CAPS2: variants seen among roughly 807,000 people sequenced by gnomAD.
CAPS2 encodes the protein calcyphosin-2.
CAPS2 carries 98 observed loss-of-function variants against 86.5 expected under a neutral mutation model. The observed-to-expected ratio is 1.13, with a 90% CI of 0.96 to 1.34. The LOEUF (loss-of-function observed/expected upper bound fraction) is 1.34. CAPS2 is among the 40% of genes most tolerant of loss of function. CAPS2 has a pLI of 0.00. For synonymous variants in CAPS2, 210 were observed against 225.1 expected, an observed-to-expected ratio of 0.93 and a Z score of 0.60; for missense variants, 729 against 686.8, an observed-to-expected ratio of 1.06 and a Z score of -0.69.
At chr12:75,377,840 G>GATAT (rs71078726) in intron 1 of CAPS2, among the ~76,000 whole-genome samples, 23,405 of 146,672 alleles carry the variant, frequency 0.16, 2,096 homozygotes, top group Admixed American at 0.22. Flanking sequence ...AACCATCACA[G>GATAT]ATATATATAT....
chr12:75,285,144 T>C (rs951009093), intron 14 of CAPS2, 64 bp from the exon 15 acceptor site: 2 of 1,513,810 alleles, frequency 1.3e-6, no homozygotes, highest in Non-Finnish European at 1.8e-6. Flanking sequence ...AAAATCATCT[T>C]AGTTGTATTT....
intron 1 of CAPS2, among the ~76,000 whole-genome samples, chr12:75,380,219 C>T (rs936114468): frequency 3.3e-5 from 5 of 152,108 alleles, no homozygotes; most frequent in African/African-American, 4.8e-5. Flanking sequence ...TATATTGAAT[C>T]GGCAATTTCC....
At chr12:75,291,567 GTATATATATA>G (rs66622366) in intron 13 of CAPS2, among the ~76,000 whole-genome samples, 167 bp downstream of exon 13, 598 of 27,692 alleles carry the variant, frequency 0.022, 15 homozygotes, top group African/African-American at 0.055. Flanking sequence ...ATTTTTAAAA[GTATATATATA>G]TATATATATA....
chr12:75,298,583 G>C (rs2138511624), intron 11 of CAPS2, 104 bp downstream of exon 11: 1 of 818,074 alleles, frequency 1.2e-6, no homozygotes, highest in Non-Finnish European at 2.0e-6. Flanking sequence ...GGATGCAGGA[G>C]AGGAAATAAA....
intron 1 of CAPS2, among the ~76,000 whole-genome samples, chr12:75,372,395 G>T: frequency 6.6e-6 from 1 of 152,162 alleles, no homozygotes; most frequent in East Asian, 1.9e-4. Context: ...GGTAGGAGGA[G>T]CCCAGAGTAA....
chr12:75,355,544 T>G (rs1052399423), intron 1 of CAPS2, among the ~76,000 whole-genome samples: 2 of 152,144 alleles, frequency 1.3e-5, no homozygotes, highest in Non-Finnish European at 2.9e-5. Context: ...TCCACAATAG[T>G]CAAACCATTG....
chr12:75,324,695 C>T (rs1436533616), intron 2 of CAPS2, among the ~76,000 whole-genome samples: 1 of 151,870 alleles, frequency 6.6e-6, no homozygotes, highest in South Asian at 2.1e-4. Flanking sequence ...TTTTTAATTT[C>T]TATTTTTAAA....
chr12:75,297,521 T>C (rs551221184), intron 11 of CAPS2, among the ~76,000 whole-genome samples: 4 of 152,312 alleles, frequency 2.6e-5, no homozygotes, highest in African/African-American at 9.6e-5. Flanking sequence ...AATTCAATCC[T>C]ATCCTGCCCT....
chr12:75,278,381 C>A (rs1008460941), exon 17 of CAPS2: 1 of 983,650 alleles, frequency 1.0e-6, no homozygotes, highest in Admixed American at 6.2e-5. Flanking sequence ...CTTGCATATC[C>A]TTTAATATTT....
At chr12:75,289,210 A>C (rs1034375223) in intron 14 of CAPS2, among the ~76,000 whole-genome samples, 3 of 152,126 alleles carry the variant, frequency 2.0e-5, no homozygotes, top group Admixed American at 6.6e-5. Context: ...CTCAACCTTC[A>C]AAACTCAGCT....
rs575653521 is a variant in CAPS2 at position 75,378,860 on chromosome 12, T to C, written c.-395+11978A>G. Among the ~76,000 whole-genome samples, 3 of 152,330 alleles carry C rather than the reference T, an allele frequency of 2.0e-5. No individual in the cohort carries two copies. The East Asian group carries it at 5.8e-4, about 29-fold the overall frequency. ...ACCATCACATTACTATTTGACATCA[T>C]GTATATAGAGTCTTATATTTTTAGT... On this transcript the variant is annotated intron_variant, in intron 1 of 5. Coordinates refer to the CAPS2 transcript ENST00000551829.
At chr12:75,348,642 C>A (rs559525121) in intron 1 of CAPS2, among the ~76,000 whole-genome samples, 2 of 152,174 alleles carry the variant, frequency 1.3e-5, no homozygotes, top group Admixed American at 6.5e-5. Context: ...AAGCATCATA[C>A]TGCTTTGAAT....
intron 7 of CAPS2, among the ~76,000 whole-genome samples, chr12:75,308,502 C>T (rs2038772818): frequency 6.6e-6 from 1 of 152,084 alleles, no homozygotes; most frequent in Non-Finnish European, 1.5e-5. Context: ...TTGCGTCATC[C>T]TTTCCTTGCT....
Position 75,306,060 on chromosome 12 carries a change from T to C in CAPS2, c.660-1184A>G, listed in dbSNP as rs562998449. The stretch of plus-strand genomic sequence containing the variant: ...CCGCGGCGCCAGAGACAGCGCCGTC[T>C]AGAACGTGCTGCGCGTCCTGGGGCT... On this transcript the variant is annotated intron_variant, in intron 7 of 16. Transcript: ENST00000393284. 209 of 1,473,914 alleles carry C rather than the reference T, an allele frequency of 1.4e-4. 3 individuals carry two copies. The African/African-American group carries it at 2.8e-3, about 20-fold the overall frequency. The allele number at this position is 1,473,914 out of a possible 1,614,324, so 91.3% of individuals were successfully genotyped here.
Position 75,305,901 on chromosome 12 carries a change from C to T in CAPS2, c.660-1025G>A, listed in dbSNP as rs188161509. 2.2e-3 allele frequency: 1,922 copies of T among 864,788 alleles called. 23 individuals carry two copies. In the African/African-American group the frequency reaches 0.026, roughly 12 times the overall value. 53.6% of individuals were successfully genotyped at this position (864,788 alleles called of 1,614,324 possible). On this transcript the variant is annotated intron_variant, in intron 7 of 16. Transcript: ENST00000393284. The stretch of plus-strand genomic sequence containing the variant: ...TGACCAGGCTGCACCTGAGGCTGTC[C>T]AACCTCCACACCATGAAGTCTGCGC...
intron 11 of CAPS2, among the ~76,000 whole-genome samples, chr12:75,297,873 C>T (rs992205637): frequency 6.6e-6 from 1 of 152,114 alleles, no homozygotes; most frequent in Non-Finnish European, 1.5e-5. Flanking sequence ...CTTGCTAACT[C>T]CTAGTCAAGG....
At position 75,378,966 on chromosome 12, in the gene CAPS2, T is replaced by C. The variant is rs542383776; in HGVS notation, c.-395+11872A>G. Among the ~76,000 whole-genome samples, 5 of 152,352 alleles carry C rather than the reference T, an allele frequency of 3.3e-5. No homozygotes were observed. In the South Asian group the frequency reaches 8.3e-4, roughly 25 times the overall value. On this transcript the variant is annotated intron_variant, in intron 1 of 5. Coordinates refer to the CAPS2 transcript ENST00000551829. The stretch of plus-strand genomic sequence containing the variant: ...ATTACTTGCTTTTTAACTTGTGGTA[T>C]GAAATAACCTAAAGGTAAATTCACA...
At chr12:75,308,741 C>G (rs938098116) in intron 7 of CAPS2, among the ~76,000 whole-genome samples, 1 of 151,478 alleles carries the variant, frequency 6.6e-6, no homozygotes, top group Non-Finnish European at 1.5e-5. Flanking sequence ...AGCATGAGAG[C>G]AGAAACAAGG....
rs570427333 is a variant in CAPS2, at chr12:75,280,454, G to T, written c.1613-1389C>A. On this transcript the variant is annotated intron_variant, in intron 16 of 16. Coordinates refer to ENST00000393284, the Ensembl canonical transcript of CAPS2. ...TATGGAATTTTTGAAACCAAAAAAG[G>T]CTTTCCCAACAACAACAAAAATAAA... Among the ~76,000 whole-genome samples the T allele has an allele frequency of 2.0e-5, 3 of 151,654 alleles. No individual in the cohort carries two copies. The East Asian group carries it at 5.8e-4, about 29-fold the overall frequency.
Sources: allele counts gnomAD v4.1 joint callset (sites outside exome capture counted in the v4.1 genomes callset), GRCh38; gene constraint gnomAD v4.1.1; transcripts MANE v1.5; gene names NCBI Gene and HGNC (gene_info 2026-07-23, HGNC 2026-07-21).